The following B3GALT9 variants were observed in gnomAD, a reference collection of about 807,000 sequenced individuals.
B3GALT9 encodes the protein UDP-GlcNAc:betaGal beta-1,3-N-acetylglucosaminyltransferase 10 (putative).
At position 120,796,543 on chromosome 9, in the gene B3GALT9, T is replaced by A. The variant is rs1207846039; in HGVS notation, c.-61T>A. 6.6e-6 allele frequency: 1 copy of A among 152,218 alleles called. No homozygotes were observed. The highest frequency in any genetic ancestry group is 2.4e-5 in the African/African-American group (1 of 41,440). The allele number at this position is 152,218 out of a possible 1,614,324, so 9.4% of individuals were successfully genotyped here. A position where few individuals can be genotyped will look rare whatever the true frequency, so the allele number is the denominator to read the frequency against. Reference sequence around the variant, plus strand: ...GACTAGAGTGATCCTGAGATGCGTTTGGGCATAATTGGCACCTGGACTCAA... The same window carrying A: ...GACTAGAGTGATCCTGAGATGCGTTAGGGCATAATTGGCACCTGGACTCAA... On this transcript the variant is annotated 5_prime_UTR_variant, in exon 2 of 3. It introduces an in-frame stop codon into an upstream open reading frame of the 5' UTR. Coordinates refer to ENST00000689072, the MANE Select transcript of B3GALT9 (RefSeq NM_001386823.1).
At chr9:120,794,697 G>A (rs1360305034) in intron 1 of B3GALT9, among the ~76,000 whole-genome samples, 1 of 152,100 alleles carries the variant, frequency 6.6e-6, no homozygotes, top group Admixed American at 6.5e-5. Flanking sequence ...TTGTTTCTCT[G>A]TAAGGGTTCC....
chr9:120,795,466 G>A (rs2044933782), intron 1 of B3GALT9, among the ~76,000 whole-genome samples: 1 of 152,146 alleles, frequency 6.6e-6, no homozygotes, highest in South Asian at 2.1e-4. Flanking sequence ...ATTGCAAAGT[G>A]GACGTAATAT....
chr9:120,795,840 A>C (rs1021490244), intron 1 of B3GALT9, among the ~76,000 whole-genome samples: 8 of 152,242 alleles, frequency 5.3e-5, no homozygotes, highest in African/African-American at 1.7e-4. Context: ...TGTTTGGGAT[A>C]ATTCCTACAC....
At position 120,800,345 on chromosome 9, in the gene B3GALT9, C is replaced by G. The variant is rs919925359; in HGVS notation, c.*667C>G. On this transcript the variant is annotated 3_prime_UTR_variant, in exon 3 of 3. Transcript: ENST00000689072. ...TGTTGGCCAGGCTGGTCTCGAACTC[C>G]TGGCCTCAAGTGATCCACCCGCCTG... Among the ~76,000 whole-genome samples, 5 of 152,148 alleles carry G rather than the reference C, an allele frequency of 3.3e-5. No individual in the cohort carries two copies. The East Asian group carries it at 7.7e-4, about 24-fold the overall frequency.
intron 1 of B3GALT9, among the ~76,000 whole-genome samples, chr9:120,794,273 T>C (rs1183385621): frequency 2.0e-5 from 3 of 152,156 alleles, no homozygotes; most frequent in Non-Finnish European, 4.4e-5. Flanking sequence ...TTTAGGCATC[T>C]TGCCTAAGGT....
rs1041794802 is a variant in B3GALT9, at chr9:120,800,365, C to T, written c.*687C>T. On this transcript the variant is annotated 3_prime_UTR_variant, in exon 3 of 3. Transcript: ENST00000689072. The stretch of plus-strand genomic sequence containing the variant: ...AACTCCTGGCCTCAAGTGATCCACC[C>T]GCCTGGGCCTCCCAAAGTGCTGGGA... Among the ~76,000 whole-genome samples the T allele has an allele frequency of 4.6e-5, 7 of 151,886 alleles. No homozygotes were observed. Among genetic ancestry groups the T allele is most frequent in the African/African-American group, 1.2e-4 (5 of 41,426 alleles).
At chr9:120,795,249 G>T (rs1457924966) in intron 1 of B3GALT9, among the ~76,000 whole-genome samples, 1 of 152,126 alleles carries the variant, frequency 6.6e-6, no homozygotes, top group African/African-American at 2.4e-5. Flanking sequence ...CAGTACCAGG[G>T]TAATCAAGAA....
In B3GALT9 at chr9:120,801,728, A is replaced by C. The variant is rs1302627690; in HGVS notation, c.*2050A>C. 6.6e-6 allele frequency among the ~76,000 whole-genome samples: 1 copy of C among 152,224 alleles called. No homozygotes were observed. Among genetic ancestry groups the C allele is most frequent in the African/African-American group, 2.4e-5 (1 of 41,458 alleles). ...GCACTCCAGCCTGGGCAACAGTCTG[A>C]GACTCTATCTCAAAAAACAAAATAA... On this transcript the variant is annotated 3_prime_UTR_variant, in exon 3 of 3. Transcript: ENST00000689072.
Position 120,799,459 on chromosome 9 carries a change from T to G in B3GALT9, c.891T>G (p.Ile297Met), listed in dbSNP as rs139122611. Residue 297 changes from isoleucine (I) to methionine (M), a missense_variant, in exon 3 of 3, where the codon ATT becomes ATG. Ile to Met is a conservative substitution (Grantham distance 10). Transcript: ENST00000689072. ...CAAGGTTTTCTGGGAAAAGGCACAT[T>G]AGATACAACAGATGTTGCTATAAGT... ...HSSRFSGKRH[I>M]RYNRCCYKFI... The G allele has an allele frequency of 3.7e-3, 1,489 of 399,344 alleles. 7 individuals carry two copies. Among genetic ancestry groups the G allele is most frequent in the Non-Finnish European group, 5.0e-3 (1,126 of 226,124 alleles). 24.7% of individuals were successfully genotyped at this position (399,344 alleles called of 1,614,324 possible). A position where few individuals can be genotyped will look rare whatever the true frequency, so the allele number is the denominator to read the frequency against.
chr9:120,799,259 A>G lies in B3GALT9; in HGVS notation c.691A>G (p.Ser231Gly), dbSNP rs10985042. Residue 231 changes from serine (S) to glycine (G), a missense_variant, in exon 3 of 3, where the codon AGT becomes GGT. Physicochemically the swap from Ser to Gly is moderately conservative, Grantham distance 56 (BLOSUM62 0). Coordinates refer to ENST00000689072, the MANE Select transcript of B3GALT9 (RefSeq NM_001386823.1). ...DPQNRDFVPLSEYPEKYYPDY... is the reference protein window; with the variant it reads ...DPQNRDFVPLGEYPEKYYPDY... ...TCAGAACAGAGACTTTGTCCCTCTT[A>G]GTGAGTACCCAGAAAAATACTACCC... is the stretch of plus-strand genomic sequence containing the variant. 2.4e-3 allele frequency: 972 copies of G among 399,362 alleles called. 5 individuals are homozygous for G. The highest frequency in any genetic ancestry group is 0.018 in the African/African-American group (867 of 48,740). 24.7% of individuals were successfully genotyped at this position (399,362 alleles called of 1,614,324 possible).
intron 1 of B3GALT9, among the ~76,000 whole-genome samples, chr9:120,794,259 G>A (rs1377124709): frequency 6.6e-6 from 1 of 152,116 alleles, no homozygotes; most frequent in East Asian, 1.9e-4. Flanking sequence ...GAAATCAAAA[G>A]AGGTTTAGGC....
rs1029976447 is a variant in B3GALT9, at chr9:120,801,635, G to T, written c.*1957G>T. Among the ~76,000 whole-genome samples the T allele has an allele frequency of 4.6e-5, 7 of 152,218 alleles. No individual in the cohort carries two copies. Among genetic ancestry groups the T allele is most frequent in the Admixed American group, 1.3e-4 (2 of 15,282 alleles). The stretch of plus-strand genomic sequence containing the variant: ...CGTGCCTGTAATCCCAGCTACGCGG[G>T]AGGCTGACACAGGAAAATCGCTTGA... On this transcript the variant is annotated 3_prime_UTR_variant, in exon 3 of 3. Coordinates refer to ENST00000689072, the MANE Select transcript of B3GALT9 (RefSeq NM_001386823.1).
In B3GALT9 at chr9:120,798,382, G is replaced by A. The variant is rs1183210134; in HGVS notation, c.7-193G>A. Among the ~76,000 whole-genome samples the A allele has an allele frequency of 4.6e-5, 7 of 152,188 alleles. No homozygotes were observed. The South Asian group carries it at 1.0e-3, about 23-fold the overall frequency. ...GCCAAATACTGGAATCAGCAGCACT[G>A]GAGAAGACAGAGACACGATGCCTGC... On this transcript the variant is annotated intron_variant, in intron 2 of 2. Transcript: ENST00000689072.
In B3GALT9 at chr9:120,796,164, C is replaced by T. The variant is rs185406209; in HGVS notation, c.-181-259C>T. On this transcript the variant is annotated intron_variant, in intron 1 of 2. Transcript: ENST00000689072. The stretch of plus-strand genomic sequence containing the variant: ...ATGTACCAGGGAGCAGGCATTACTC[C>T]AGCTGTTTGGTTTCTTGAGATGCAC... 3.8e-3 allele frequency among the ~76,000 whole-genome samples: 574 copies of T among 152,222 alleles called. 2 individuals are homozygous for T. Among genetic ancestry groups the T allele is most frequent in the South Asian group, 0.011 (55 of 4,822 alleles).
intron 1 of B3GALT9, among the ~76,000 whole-genome samples, chr9:120,796,039 T>G (rs1390358046): frequency 6.6e-6 from 1 of 152,182 alleles, no homozygotes; most frequent in Admixed American, 6.5e-5. Flanking sequence ...CAATGAGCCA[T>G]ACACCAGACC....
chr9:120,797,192 G>C (rs1007707503), intron 2 of B3GALT9, among the ~76,000 whole-genome samples: 1 of 151,898 alleles, frequency 6.6e-6, no homozygotes, highest in Non-Finnish European at 1.5e-5. Flanking sequence ...GATAGGAATT[G>C]TGATTCTCCA....
At chr9:120,795,524 A>G (rs2044934031) in intron 1 of B3GALT9, among the ~76,000 whole-genome samples, 1 of 152,244 alleles carries the variant, frequency 6.6e-6, no homozygotes, top group Non-Finnish European at 1.5e-5. Context: ...GAATATGTAA[A>G]AATTCCCTTT....
chr9:120,795,493 C>T (rs916666896), intron 1 of B3GALT9, among the ~76,000 whole-genome samples: 4 of 152,122 alleles, frequency 2.6e-5, no homozygotes, highest in East Asian at 1.9e-4. Context: ...AAATACAAGA[C>T]CTATTGAATT....
rs533654888 is a variant in B3GALT9 at position 120,801,161 on chromosome 9, A to G, written c.*1483A>G. Among the ~76,000 whole-genome samples the G allele has an allele frequency of 2.0e-5, 3 of 152,336 alleles. No homozygotes were observed. The highest frequency in any genetic ancestry group is 2.1e-4 in the South Asian group (1 of 4,830). ...CCACTAATCTTGTGAATAATGCTGC[A>G]TTGAATGTGGGGAGTGCAGATATCT... On this transcript the variant is annotated 3_prime_UTR_variant, in exon 3 of 3. Transcript: ENST00000689072.
Sources: allele counts gnomAD v4.1 joint callset (sites outside exome capture counted in the v4.1 genomes callset), GRCh38; gene constraint gnomAD v4.1.1; transcripts MANE v1.5; gene names NCBI Gene and HGNC (gene_info 2026-07-23, HGNC 2026-07-21).